RELL1: variants seen among roughly 807,000 people sequenced by gnomAD.
RELL1 encodes RELT-like protein 1.
In RELL1, 10 loss-of-function variants were observed where a neutral mutation model predicts 23.0. The observed-to-expected ratio is 0.43, with a 90% CI of 0.27 to 0.74. The LOEUF (loss-of-function observed/expected upper bound fraction) is 0.74. Ranked by LOEUF, RELL1 falls within the 30% of genes least tolerant of loss-of-function variation. The pLI, the probability that RELL1 is intolerant of heterozygous loss-of-function variation, is 0.19. For synonymous variants in RELL1, 146 were observed against 146.8 expected (o/e 0.99, Z 0.04); for missense variants, 315 against 364.4 (o/e 0.86, Z 1.10).
chr4:37,604,842 C>CACACACAT (rs1370152080), intron 6 of RELL1, among the ~76,000 whole-genome samples: 1 of 114,356 alleles, frequency 8.7e-6, no homozygotes, highest in African/African-American at 4.4e-5. Flanking sequence ...TACACACAGA[C>CACACACAT]ACACACACAG....
intron 4 of RELL1, among the ~76,000 whole-genome samples, chr4:37,638,165 A>T (rs189615264): frequency 2.1e-3 from 324 of 152,292 alleles, no homozygotes; most frequent in Admixed American, 5.9e-3. Context: ...GACTGTCCCC[A>T]CTACGGGACA....
intron 3 of RELL1, among the ~76,000 whole-genome samples, chr4:37,642,659 T>TG (rs772844117): frequency 6.6e-5 from 10 of 152,206 alleles, no homozygotes; most frequent in Non-Finnish European, 1.2e-4. Flanking sequence ...TTTACACTAA[T>TG]GCGGTGACTT....
intron 6 of RELL1, among the ~76,000 whole-genome samples, chr4:37,630,356 GTTTTTTTTT>G (rs59763359): frequency 1.2e-5 from 1 of 86,734 alleles, no homozygotes; most frequent in Non-Finnish European, 2.2e-5. Context: ...TGTGTGTGTG[GTTTTTTTTT>G]TTTTTTTTTT....
At chr4:37,596,226 A>G (rs1718840907) in intron 6 of RELL1, among the ~76,000 whole-genome samples, 1 of 152,130 alleles carries the variant, frequency 6.6e-6, no homozygotes, top group Admixed American at 6.5e-5. Context: ...TCATCTGTGA[A>G]ATGGGGATCA....
intron 2 of RELL1, among the ~76,000 whole-genome samples, chr4:37,648,810 C>T (rs183267260): frequency 3.5e-3 from 533 of 152,298 alleles, no homozygotes; most frequent in African/African-American, 0.012. Flanking sequence ...TTTAATTTTT[C>T]CTTCACTCTT....
At chr4:37,641,245 A>C (rs12511912) in intron 3 of RELL1, among the ~76,000 whole-genome samples, 22,023 of 152,116 alleles carry the variant, frequency 0.14, 1,814 homozygotes, top group East Asian at 0.24. Context: ...ACACACACAC[A>C]CCCACATGCA....
chr4:37,657,406 G>A (rs1190045727), intron 1 of RELL1, among the ~76,000 whole-genome samples: 1 of 152,150 alleles, frequency 6.6e-6, no homozygotes, highest in South Asian at 2.1e-4. Flanking sequence ...GTGAAGGGAA[G>A]AAATTTTTGT....
intron 1 of RELL1, among the ~76,000 whole-genome samples, chr4:37,652,102 C>T (rs1720969449): frequency 6.6e-6 from 1 of 152,136 alleles, no homozygotes; most frequent in African/African-American, 2.4e-5. Context: ...GGACAATATG[C>T]CTGGTATGAA....
intron 6 of RELL1, among the ~76,000 whole-genome samples, chr4:37,600,524 C>G (rs986980836): frequency 6.6e-6 from 1 of 152,102 alleles, no homozygotes; most frequent in Non-Finnish European, 1.5e-5. Context: ...TTTTTATTCT[C>G]ATTATCTTCA....
rs1720830180 is a variant in RELL1, at chr4:37,649,641, G to A, written c.89-141C>T. 1.5e-5 allele frequency: 10 copies of A among 683,994 alleles called. No individual in the cohort carries two copies. In the South Asian group the frequency reaches 1.9e-4, roughly 13 times the overall value. 42.4% of individuals were successfully genotyped at this position (683,994 alleles called of 1,614,324 possible). A position where few individuals can be genotyped will look rare whatever the true frequency, so the allele number is the denominator to read the frequency against. On this transcript the variant is annotated intron_variant, in intron 1 of 6. Transcript: ENST00000454158. ...GCAGACTGGTGGGTCCAGCTGCACA[G>A]GCAAAAGATAGCCCAGGTTTGAGCT...
At position 37,661,148 on chromosome 4, in the gene RELL1, C is replaced by A. The variant is rs77594958; in HGVS notation, c.89-11648G>T. Among the ~76,000 whole-genome samples the A allele has an allele frequency of 8.3e-4, 126 of 152,292 alleles. 2 individuals carry two copies. In the East Asian group the frequency reaches 0.023, roughly 28 times the overall value. ...TAACTAGTCCACCTAGTTATACCTA[C>A]TAGGTGTACTAGTCCACCTAGTAGC... On this transcript the variant is annotated intron_variant, in intron 1 of 6. Coordinates refer to ENST00000454158, the MANE Select transcript of RELL1 (RefSeq NM_001085400.2).
chr4:37,619,133 C>G (rs1719680336), intron 6 of RELL1, among the ~76,000 whole-genome samples: 1 of 152,098 alleles, frequency 6.6e-6, no homozygotes, highest in Non-Finnish European at 1.5e-5. Context: ...CCTGCCTCAG[C>G]CTCCCAAAGT....
intron 6 of RELL1, among the ~76,000 whole-genome samples, chr4:37,594,636 T>A (rs1718765579): frequency 6.6e-6 from 1 of 152,234 alleles, no homozygotes; most frequent in African/African-American, 2.4e-5. Flanking sequence ...ATGTAGTGAA[T>A]AGTTATAACT....
downstream of RELL1, among the ~76,000 whole-genome samples, chr4:37,606,222 A>G (rs1448199034): frequency 6.9e-6 from 1 of 144,746 alleles, no homozygotes; most frequent in Non-Finnish European, 1.6e-5. This position sits in a 1 kb window ranked among gnomAD's most constrained non-coding sequence, Gnocchi z 4.1. Context: ...GAAAGAAAGA[A>G]AAAGGAAAGA....
At chr4:37,660,849 G>C (rs1402649264) in intron 1 of RELL1, among the ~76,000 whole-genome samples, 1 of 152,118 alleles carries the variant, frequency 6.6e-6, no homozygotes, top group Non-Finnish European at 1.5e-5. Flanking sequence ...GGCTAACACG[G>C]TGAAACCCCG....
rs2940990 is a variant in RELL1 at position 37,599,256 on chromosome 4, C to T, written c.*4-8039G>A. Among the ~76,000 whole-genome samples the T allele has an allele frequency of 3.9e-3, 598 of 152,260 alleles. 4 individuals are homozygous for T. Among genetic ancestry groups the T allele is most frequent in the Middle Eastern group, 0.017 (5 of 294 alleles). On this transcript the variant is annotated intron_variant, in intron 6 of 6. Transcript: ENST00000314117. ...GTCAATAGCTGAGACACGGGGTTGCCGCAGAGCAAGAGGTTTAATGGGAGG... is the reference window on the plus strand; with the variant it reads ...GTCAATAGCTGAGACACGGGGTTGCTGCAGAGCAAGAGGTTTAATGGGAGG...
intron 6 of RELL1, among the ~76,000 whole-genome samples, chr4:37,596,002 G>T (rs1718829864): frequency 6.6e-6 from 1 of 152,130 alleles, no homozygotes; most frequent in South Asian, 2.1e-4. Flanking sequence ...GGGGAAAAAA[G>T]GTGCGCCCAG....
At chr4:37,642,895 C>T (rs1720577222) in intron 3 of RELL1, among the ~76,000 whole-genome samples, 2 of 152,198 alleles carry the variant, frequency 1.3e-5, no homozygotes, top group African/African-American at 2.4e-5. Context: ...GGGAGGGTGG[C>T]GCACCCAGAG....
chr4:37,604,786 G>GACACACACACACAC (rs1284457656), intron 6 of RELL1, among the ~76,000 whole-genome samples: 3 of 52,688 alleles, frequency 5.7e-5, no homozygotes, highest in Non-Finnish European at 1.3e-4. Flanking sequence ...GACACACACA[G>GACACACACACACAC]ACACACACAC....
Sources: gnomAD v4.1 joint callset for allele counts (sites outside exome capture counted in the v4.1 genomes callset) on GRCh38, gnomAD v4.1.1 for gene constraint, Gnocchi (gnomAD v3.1) non-coding constraint, MANE v1.5 for transcripts, NCBI Gene and HGNC (gene_info 2026-07-23, HGNC 2026-07-21) for gene names.